Variants in IFT81 observed in about 807,000 individuals in gnomAD.
IFT81 encodes intraflagellar transport 81, also known as intraflagellar transport protein 81 homolog.
In IFT81, 72 loss-of-function variants were observed where a neutral mutation model predicts 102.6. The observed-to-expected ratio is 0.70, with a 90% CI of 0.58 to 0.85. The LOEUF (loss-of-function observed/expected upper bound fraction) is 0.85, where lower values mean the gene tolerates loss of function less well. Ranked by LOEUF, IFT81 falls within the 40% of genes least tolerant of loss-of-function variation. IFT81 has a pLI of 0.00. For synonymous variants in IFT81, 237 were observed against 242.7 expected (o/e 0.98, Z 0.22); for missense variants, 723 against 787.3 (o/e 0.92, Z 0.98).
chr12:110,149,100 G>A (rs928511414), intron 10 of IFT81, among the ~76,000 whole-genome samples: 1 of 152,136 alleles, frequency 6.6e-6, no homozygotes, highest in African/African-American at 2.4e-5. Flanking sequence ...TCAGATTCTA[G>A]TGGTCTTTGA....
At chr12:110,173,777 AAG>A (rs1173416743) in intron 11 of IFT81, among the ~76,000 whole-genome samples, 8 of 152,098 alleles carry the variant, frequency 5.3e-5, no homozygotes, top group Non-Finnish European at 1.0e-4. Context: ...CATGCTGGTT[AAG>A]AGTCATCACC....
intron 18 of IFT81, among the ~76,000 whole-genome samples, chr12:110,217,753 A>G (rs182238824): frequency 2.3e-4 from 35 of 151,890 alleles, no homozygotes; most frequent in Middle Eastern, 3.4e-3. Context: ...TTTTTGGAGA[A>G]CTAGAAAGGC....
At chr12:110,192,304 T>G (rs1325906890) in intron 13 of IFT81, among the ~76,000 whole-genome samples, 17 of 152,216 alleles carry the variant, frequency 1.1e-4, no homozygotes, top group Admixed American at 1.1e-3. Flanking sequence ...TTTATATGCC[T>G]ACATAAATAA....
intron 11 of IFT81, 47 bp from the exon 12 acceptor site, chr12:110,180,371 TTAGC>T: frequency 1.7e-6 from 2 of 1,205,732 alleles, no homozygotes; most frequent in Non-Finnish European, 2.4e-6. Context: ...TGTATGATAT[TTAGC>T]TACTACTTTT....
intron 11 of IFT81, among the ~76,000 whole-genome samples, chr12:110,164,949 C>T (rs930815644): frequency 4.6e-5 from 7 of 151,970 alleles, no homozygotes; most frequent in South Asian, 2.1e-4. Flanking sequence ...TTGTTATGGC[C>T]GTATTTGGCA....
intron 11 of IFT81, among the ~76,000 whole-genome samples, chr12:110,164,499 G>A (rs1317509467): frequency 2.6e-5 from 4 of 151,682 alleles, no homozygotes; most frequent in African/African-American, 9.7e-5. Context: ...AAAAGCTATC[G>A]TGGAAAGCTA....
intron 11 of IFT81, among the ~76,000 whole-genome samples, chr12:110,177,821 G>A (rs1178301170): frequency 2.6e-5 from 4 of 152,152 alleles, no homozygotes; most frequent in South Asian, 2.1e-4. Context: ...AAAGCCGGGC[G>A]CAGTGGCTCA....
intron 14 of IFT81, among the ~76,000 whole-genome samples, chr12:110,196,816 A>G (rs1318560936): frequency 6.6e-6 from 1 of 152,194 alleles, no homozygotes; most frequent in Non-Finnish European, 1.5e-5. Flanking sequence ...TAAAGCATAT[A>G]TGCCAGCTTT....
chr12:110,211,163 G>A (rs1321105562), intron 18 of IFT81, among the ~76,000 whole-genome samples: 4 of 142,948 alleles, frequency 2.8e-5, no homozygotes, highest in East Asian at 2.1e-4. Context: ...CCTGGACTTC[G>A]TATTAGGCTT....
chr12:110,159,648 A>C (rs931194994), intron 10 of IFT81, among the ~76,000 whole-genome samples: 2 of 152,234 alleles, frequency 1.3e-5, no homozygotes, highest in African/African-American at 4.8e-5. Context: ...TCTAGAAGTC[A>C]CTTCAGTAAG....
chr12:110,185,216 C>G (rs1313774808), intron 12 of IFT81, among the ~76,000 whole-genome samples: 1 of 151,988 alleles, frequency 6.6e-6, no homozygotes, highest in Non-Finnish European at 1.5e-5. Flanking sequence ...GACAGAGTCT[C>G]TCTCTGTTGC....
At chr12:110,156,212 GT>G (rs1895827653) in intron 10 of IFT81, among the ~76,000 whole-genome samples, 1 of 152,130 alleles carries the variant, frequency 6.6e-6, no homozygotes, top group South Asian at 2.1e-4. Flanking sequence ...TAATAATTGT[GT>G]TGTTTTAAAT....
intron 1 of IFT81, among the ~76,000 whole-genome samples, chr12:110,125,216 C>A (rs529999500): frequency 3.3e-5 from 5 of 152,214 alleles, no homozygotes; most frequent in Admixed American, 3.3e-4. Flanking sequence ...AAAACTTGCA[C>A]TTCCAATATG....
At chr12:110,168,032 T>A (rs1287826541) in intron 11 of IFT81, 1 of 170,858 alleles carries the variant, frequency 5.9e-6, no homozygotes, top group African/African-American at 2.4e-5. Context: ...TCTTTTTTTG[T>A]TTTGTTTTGT....
intron 12 of IFT81, among the ~76,000 whole-genome samples, chr12:110,186,692 G>C (rs1897546725): frequency 6.6e-6 from 1 of 151,758 alleles, no homozygotes; most frequent in African/African-American, 2.4e-5. Flanking sequence ...TTGTGTGTGT[G>C]TGTATTTTTG....
Position 110,149,630 on chromosome 12 carries a change from A to G in IFT81, c.1041+2582A>G, listed in dbSNP as rs1895409220. Among the ~76,000 whole-genome samples, 3 of 152,032 alleles carry G rather than the reference A, an allele frequency of 2.0e-5. No individual in the cohort carries two copies. In the South Asian group the frequency reaches 6.2e-4, roughly 32 times the overall value. On this transcript the variant is annotated intron_variant, in intron 10 of 18. Transcript: ENST00000242591. ...TCAGCAGATAGGGGAGCCCGAAGGG[A>G]GATGGTTTTCCCTTGGAGTCAGGCC...
intron 18 of IFT81, chr12:110,216,501 C>T (rs1337712369): frequency 3.5e-5 from 16 of 450,784 alleles, no homozygotes; most frequent in Admixed American, 7.1e-5. Flanking sequence ...AGCCCCCAGC[C>T]TCCTATTATT....
At chr12:110,193,997 G>C (rs1897900835) in intron 14 of IFT81, among the ~76,000 whole-genome samples, 1 of 152,164 alleles carries the variant, frequency 6.6e-6, no homozygotes, top group Non-Finnish European at 1.5e-5. Flanking sequence ...AATCATGGCA[G>C]AAGGCAAAGA....
chr12:110,175,507 A>G (rs1050650188), intron 11 of IFT81, among the ~76,000 whole-genome samples: 1 of 152,210 alleles, frequency 6.6e-6, no homozygotes, highest in Admixed American at 6.5e-5. Flanking sequence ...CCTTATAGTC[A>G]TTTGATCTCG....
Sources: gnomAD v4.1 joint callset for allele counts (sites outside exome capture counted in the v4.1 genomes callset) on GRCh38, gnomAD v4.1.1 for gene constraint, MANE v1.5 for transcripts, NCBI Gene and HGNC (gene_info 2026-07-23, HGNC 2026-07-21) for gene names.